The following NSD3 variants were observed in gnomAD, a reference collection of about 807,000 sequenced individuals.
NSD3 encodes nuclear receptor binding SET domain protein 3.
In NSD3, 24 loss-of-function variants were observed where a neutral mutation model predicts 160.8. The ratio of observed to expected loss-of-function variants is 0.15; its 90% confidence interval spans 0.11 to 0.21. The LOEUF (loss-of-function observed/expected upper bound fraction) is 0.21. NSD3 is among the 10% of genes least tolerant of loss of function. NSD3 has a pLI of 1.00. For synonymous variants in NSD3, 520 were observed against 600.0 expected, an observed-to-expected ratio of 0.87 and a Z score of 1.95; for missense variants, 1,157 against 1,735.9, an observed-to-expected ratio of 0.67 and a Z score of 5.93.
intron 6 of NSD3, 140 bp from the exon 7 acceptor site, chr8:38,326,996 G>T: frequency 1.1e-6 from 1 of 902,320 alleles, no homozygotes; most frequent in South Asian, 2.2e-5. Context: ...AGTTATCTTA[G>T]CCTTTATCAG....
rs532245865 is a variant in NSD3, at chr8:38,378,703, A to G, written c.-45+3096T>C. Reference sequence around the variant, plus strand: ...AAGGGCATGGTGGCGTGTGCCTGTAATCCCAGCTACTCGGGAGGCTAAGGC... The same window carrying G: ...AAGGGCATGGTGGCGTGTGCCTGTAGTCCCAGCTACTCGGGAGGCTAAGGC... On this transcript the variant is annotated intron_variant, in intron 1 of 23. Coordinates refer to ENST00000317025, the MANE Select transcript of NSD3 (RefSeq NM_023034.2). 1.0e-3 allele frequency among the ~76,000 whole-genome samples: 154 copies of G among 152,000 alleles called. 1 individual carries two copies. The highest frequency in any genetic ancestry group is 3.4e-3 in the Middle Eastern group (1 of 294).
intron 16 of NSD3, among the ~76,000 whole-genome samples, chr8:38,292,554 G>A (rs1398383315): frequency 6.6e-6 from 1 of 151,924 alleles, no homozygotes; most frequent in Non-Finnish European, 1.5e-5. Flanking sequence ...AGGCCAAGGC[G>A]GGTGTATCAC....
intron 1 of NSD3, among the ~76,000 whole-genome samples, chr8:38,351,125 C>A (rs1810688494): frequency 6.6e-6 from 1 of 151,692 alleles, no homozygotes; most frequent in South Asian, 2.1e-4. Context: ...GTGCCCGCCA[C>A]CATGCCCAGC....
chr8:38,293,072 A>C (rs1302043669), intron 16 of NSD3, among the ~76,000 whole-genome samples: 1 of 146,958 alleles, frequency 6.8e-6, no homozygotes, highest in Non-Finnish European at 1.5e-5. Context: ...CAGGAGGCAG[A>C]GGTTGCAGTG....
intron 1 of NSD3, among the ~76,000 whole-genome samples, chr8:38,361,733 C>G (rs1164121261): frequency 8.1e-6 from 1 of 123,740 alleles, no homozygotes; most frequent in African/African-American, 3.1e-5. Flanking sequence ...CCAGCCTGGG[C>G]TACAGAGCGA....
chr8:38,304,553 C>CA (rs1563348522), intron 14 of NSD3, 34 bp downstream of exon 14: 2 of 1,586,182 alleles, frequency 1.3e-6, no homozygotes, highest in Non-Finnish European at 1.7e-6. Flanking sequence ...CCAATGACCT[C>CA]AAAAATAAAT....
chr8:38,314,732 T>C lies in NSD3; in HGVS notation c.2157A>G (p.Gly719=). The change falls in exon 12 of 24, where the codon GGA becomes GGG. Residue 719 remains glycine (G), a synonymous_variant. Transcript: ENST00000317025. The part of the protein sequence containing the change: ...SSGDSLIPCE[G]ECCKHFHLEC... Reference sequence around the variant, plus strand: ...CCAGGTGAAAGTGTTTGCAGCACTCTCCCTCACAAGGAATCAGAGAGTCAC... The same window carrying C: ...CCAGGTGAAAGTGTTTGCAGCACTCCCCCTCACAAGGAATCAGAGAGTCAC... The C allele has an allele frequency of 6.2e-7, 1 of 1,614,198 alleles. No homozygotes were observed. Among genetic ancestry groups the C allele is most frequent in the Non-Finnish European group, 8.5e-7 (1 of 1,180,030 alleles).
In NSD3 at chr8:38,299,509, C is replaced by T. The variant is rs373265367; in HGVS notation, c.2693G>A (p.Arg898His). The T allele has an allele frequency of 8.7e-6, 14 of 1,613,662 alleles. No individual in the cohort carries two copies. The highest frequency in any genetic ancestry group is 2.7e-5 in the African/African-American group (2 of 75,010). The change falls in exon 15 of 24, where the codon CGT (arginine) becomes CAT (histidine). Residue 898 changes from arginine (R) to histidine (H), a missense_variant. This residue lies in a region of NSD3 where 437 missense variants were observed against 576.6 expected (regional missense o/e 0.76). Transcript: ENST00000317025. ...KSHYLLNESN[R>H]AELMKLPMIP... ...CATAGGTAATTTCATCAACTCAGCACGATTTGATTCATTCAGTAGGTAGTG... is the reference window on the plus strand; with the variant it reads ...CATAGGTAATTTCATCAACTCAGCATGATTTGATTCATTCAGTAGGTAGTG...
At chr8:38,335,067 G>A (rs137913292) in intron 4 of NSD3, among the ~76,000 whole-genome samples, 2 of 140,836 alleles carry the variant, frequency 1.4e-5, no homozygotes, top group South Asian at 2.3e-4. Context: ...CACTGCAACC[G>A]CAACCTCCAC....
At chr8:38,325,504 A>G (rs1329216951) in intron 7 of NSD3, among the ~76,000 whole-genome samples, 1 of 152,224 alleles carries the variant, frequency 6.6e-6, no homozygotes, top group East Asian at 1.9e-4. Flanking sequence ...TACTACTAAT[A>G]TAATACTGTT....
At chr8:38,350,513 G>A (rs1468598212) in intron 1 of NSD3, among the ~76,000 whole-genome samples, 4 of 152,200 alleles carry the variant, frequency 2.6e-5, no homozygotes, top group African/African-American at 4.8e-5. Flanking sequence ...CATATCCTTC[G>A]CCCACTTTTT....
chr8:38,328,878 AAC>A lies in NSD3; in HGVS notation c.1581+498_1581+499del, dbSNP rs1262651710. On this transcript the variant is annotated intron_variant, in intron 6 of 23. Transcript: ENST00000317025. Reference sequence around the variant, plus strand: ...TGCCACAGCTAATTGTTACAGAACAAACACAGTTCTGGGATTCTCTGAAAGGC... The same window carrying A: ...TGCCACAGCTAATTGTTACAGAACAAACAGTTCTGGGATTCTCTGAAAGGC... Among the ~76,000 whole-genome samples the A allele has an allele frequency of 2.0e-5, 3 of 152,002 alleles. No individual in the cohort carries two copies. The East Asian group carries it at 5.8e-4, about 29-fold the overall frequency.
intron 13 of NSD3, 42 bp downstream of exon 13, chr8:38,305,206 C>T: frequency 6.2e-7 from 1 of 1,600,630 alleles, no homozygotes; most frequent in Non-Finnish European, 8.5e-7. Context: ...TTGCCACTGC[C>T]CTTAAAACAA....
intron 1 of NSD3, among the ~76,000 whole-genome samples, chr8:38,374,226 T>G (rs1712991914): frequency 1.3e-5 from 2 of 151,992 alleles, no homozygotes; most frequent in South Asian, 4.2e-4. Flanking sequence ...TGCAATGATC[T>G]AGGATCATGC....
intron 1 of NSD3, among the ~76,000 whole-genome samples, chr8:38,368,235 C>G (rs1035945717): frequency 1.4e-4 from 22 of 152,224 alleles, no homozygotes; most frequent in Admixed American, 1.4e-3. Flanking sequence ...GTTGGGATTA[C>G]AGGTGTGAGC....
chr8:38,292,559 T>G (rs547516220), intron 16 of NSD3, among the ~76,000 whole-genome samples: 9 of 151,478 alleles, frequency 5.9e-5, no homozygotes, highest in East Asian at 5.9e-4. Flanking sequence ...AAGGCGGGTG[T>G]ATCACGAGGT....
At chr8:38,377,284 C>T (rs1000380017) in intron 1 of NSD3, among the ~76,000 whole-genome samples, 42 of 152,218 alleles carry the variant, frequency 2.8e-4, no homozygotes, top group African/African-American at 1.0e-3. Flanking sequence ...AAACTCCTGA[C>T]CTCAAGTGAT....
intron 1 of NSD3, among the ~76,000 whole-genome samples, chr8:38,352,578 T>A (rs1315235246): frequency 6.6e-6 from 1 of 152,204 alleles, no homozygotes; most frequent in African/African-American, 2.4e-5. Context: ...CATGTCTGAC[T>A]CTGAAGTCCA....
intron 1 of NSD3, among the ~76,000 whole-genome samples, chr8:38,365,078 T>C (rs1811073990): frequency 6.6e-6 from 1 of 152,220 alleles, no homozygotes; most frequent in South Asian, 2.1e-4. Flanking sequence ...TCCAGCTCCA[T>C]GAGGCAGATA....
Sources: gnomAD v4.1 joint callset for allele counts (sites outside exome capture counted in the v4.1 genomes callset) on GRCh38, gnomAD v4.1.1 for gene constraint, gnomAD v4.1.1 regional missense constraint, MANE v1.5 for transcripts, NCBI Gene and HGNC (gene_info 2026-07-23, HGNC 2026-07-21) for gene names.